The following DISC1 variants were observed in gnomAD, a reference collection of about 807,000 sequenced individuals.
The protein encoded by DISC1 is disrupted in schizophrenia 1 protein.
DISC1 carries 57 observed loss-of-function variants against 84.5 expected under a neutral mutation model. The observed-to-expected ratio is 0.67, with a 90% CI of 0.55 to 0.84. The LOEUF is 0.84. Ranked by LOEUF, DISC1 falls within the 40% of genes least tolerant of loss-of-function variation. The pLI, the probability that DISC1 is intolerant of heterozygous loss-of-function variation, is 0.00. For synonymous variants in DISC1, 411 were observed against 415.2 expected (o/e 0.99, Z 0.12); for missense variants, 1,000 against 1,057.8 (o/e 0.95, Z 0.76).
intron 9 of DISC1, among the ~76,000 whole-genome samples, chr1:231,920,322 G>A (rs2089917660): frequency 6.6e-6 from 1 of 152,144 alleles, no homozygotes; most frequent in Non-Finnish European, 1.5e-5. Context: ...GTGTCATTAA[G>A]GACATTCACA....
At chr1:231,887,152 GCCTGGC>G (rs2086832454) in intron 9 of DISC1, among the ~76,000 whole-genome samples, 1 of 151,990 alleles carries the variant, frequency 6.6e-6, no homozygotes, top group African/African-American at 2.4e-5. Flanking sequence ...GAGCCACCGT[GCCTGGC>G]CCAGACCTGA....
intron 9 of DISC1, among the ~76,000 whole-genome samples, chr1:231,902,981 T>TA (rs757037489): frequency 4.6e-5 from 7 of 152,260 alleles, no homozygotes; most frequent in Non-Finnish European, 8.8e-5. Context: ...CCTCCCTGTG[T>TA]ATCACTGTGT....
At chr1:231,815,331 C>A (rs1348299963) in intron 8 of DISC1, 6 of 152,184 alleles carry the variant, frequency 3.9e-5, no homozygotes, top group Non-Finnish European at 7.3e-5. Flanking sequence ...CCTATCTTGT[C>A]CCAGTCATCA....
Position 231,954,187 on chromosome 1 carries a change from T to A in DISC1, c.1982-4641T>A, listed in dbSNP as rs1238516951. Among the ~76,000 whole-genome samples the A allele has an allele frequency of 1.3e-5, 2 of 152,206 alleles. No homozygotes were observed. The highest frequency in any genetic ancestry group is 2.9e-5 in the Non-Finnish European group (2 of 68,044). On this transcript the variant is annotated intron_variant, in intron 9 of 12. Transcript: ENST00000439617. The surrounding 1 kb of genome is among the most constrained non-coding windows in gnomAD (Gnocchi z 4.8). ...TATGATGAATATTTATGGAAAATGT[T>A]GCTGTGCACTCCAGTGAGAAATCAG...
intron 6 of DISC1, among the ~76,000 whole-genome samples, chr1:231,772,143 G>A (rs2076599642): frequency 1.3e-5 from 2 of 151,426 alleles, no homozygotes; most frequent in Admixed American, 6.6e-5. Flanking sequence ...TTTTGTAGAG[G>A]TGAAGTATTT....
Position 231,859,033 on chromosome 1 carries a change from C to G in DISC1, c.1981+40516C>G, listed in dbSNP as rs1399745496. On this transcript the variant is annotated intron_variant, in intron 9 of 12. Coordinates refer to ENST00000439617, the MANE Select transcript of DISC1 (RefSeq NM_018662.3). Reference sequence around the variant, plus strand: ...CTGGCTCTGGGGAATGGTGTCTGAGCTCACGGTCTCATCTGTGGGAGCTGC... The same window carrying G: ...CTGGCTCTGGGGAATGGTGTCTGAGGTCACGGTCTCATCTGTGGGAGCTGC... 6.6e-5 allele frequency among the ~76,000 whole-genome samples: 10 copies of G among 152,322 alleles called. No individual in the cohort carries two copies. In the Middle Eastern group the frequency reaches 0.014, roughly 207 times the overall value.
chr1:231,837,588 A>AT (rs34515060), intron 9 of DISC1, among the ~76,000 whole-genome samples: 2 of 151,906 alleles, frequency 1.3e-5, no homozygotes, highest in African/African-American at 4.8e-5. Context: ...TGATCTATAT[A>AT]TTTTTTTTCT....
At chr1:231,803,625 G>A (rs574109596) in intron 8 of DISC1, among the ~76,000 whole-genome samples, 13 of 152,132 alleles carry the variant, frequency 8.5e-5, no homozygotes, top group Non-Finnish European at 1.8e-4. Context: ...CTCAGAGCCA[G>A]TGATCTGAGG....
chr1:231,762,962 C>A (rs564794873), intron 4 of DISC1, among the ~76,000 whole-genome samples: 2 of 152,148 alleles, frequency 1.3e-5, no homozygotes, highest in African/African-American at 4.8e-5. Flanking sequence ...TGCGGTGACA[C>A]GGTGTGAAAA....
chr1:231,877,205 C>T (rs1024546833), intron 9 of DISC1, among the ~76,000 whole-genome samples: 1 of 152,184 alleles, frequency 6.6e-6, no homozygotes, highest in Non-Finnish European at 1.5e-5. Context: ...TCACATGAGC[C>T]CACCTTCTTA....
chr1:231,991,472 C>G (rs200697364), intron 10 of DISC1, among the ~76,000 whole-genome samples: 10 of 152,132 alleles, frequency 6.6e-5, no homozygotes, highest in Non-Finnish European at 1.5e-4. Flanking sequence ...TTCCATTTAT[C>G]CTATAGTTCT....
At chr1:231,648,637 A>G (rs144500291) in intron 1 of DISC1, among the ~76,000 whole-genome samples, 7,157 of 152,280 alleles carry the variant, frequency 0.047, 188 homozygotes, top group Middle Eastern at 0.085. Context: ...GAATGGTACC[A>G]GCTCCTCTTT....
chr1:231,730,654 C>G (rs568044327), intron 3 of DISC1, among the ~76,000 whole-genome samples: 1 of 152,136 alleles, frequency 6.6e-6, no homozygotes, highest in East Asian at 1.9e-4. Flanking sequence ...TGATAGCTTG[C>G]CAGAAATTTC....
At chr1:231,838,540 A>G (rs1161997189) in intron 9 of DISC1, among the ~76,000 whole-genome samples, 1 of 152,230 alleles carries the variant, frequency 6.6e-6, no homozygotes, top group Non-Finnish European at 1.5e-5. Context: ...AAGAATATAG[A>G]AAAGGACTCC....
At chr1:231,934,552 G>A (rs1266416830) in intron 9 of DISC1, among the ~76,000 whole-genome samples, 1 of 152,172 alleles carries the variant, frequency 6.6e-6, no homozygotes, top group African/African-American at 2.4e-5. Context: ...TGCAACTTAT[G>A]GAAGTGAAAT....
chr1:231,968,643 A>G (rs985428750), intron 10 of DISC1, among the ~76,000 whole-genome samples: 1 of 151,502 alleles, frequency 6.6e-6, no homozygotes, highest in Non-Finnish European at 1.5e-5. Flanking sequence ...TCTCACACAC[A>G]CACAAAAACC....
At chr1:231,866,336 G>T (rs1458512403) in intron 9 of DISC1, among the ~76,000 whole-genome samples, 1 of 152,048 alleles carries the variant, frequency 6.6e-6, no homozygotes, top group African/African-American at 2.4e-5. Flanking sequence ...TTGGACCAGA[G>T]ATTTCTCATC....
At chr1:231,770,762 G>A (rs2076498336) in intron 5 of DISC1, 73 bp from the exon 6 acceptor site, 4 of 1,563,416 alleles carry the variant, frequency 2.6e-6, no homozygotes, top group East Asian at 2.3e-5. Flanking sequence ...TCATTTAAAC[G>A]AGTCATTATC....
chr1:231,812,691 C>T (rs1435397409), intron 8 of DISC1, among the ~76,000 whole-genome samples: 1 of 152,170 alleles, frequency 6.6e-6, no homozygotes, highest in Non-Finnish European at 1.5e-5. Context: ...CACACATCCT[C>T]CTTGGCATTT....
Sources: gnomAD v4.1 joint callset for allele counts (sites outside exome capture counted in the v4.1 genomes callset) on GRCh38, gnomAD v4.1.1 for gene constraint, Gnocchi (gnomAD v3.1) non-coding constraint, MANE v1.5 for transcripts, NCBI Gene and HGNC (gene_info 2026-07-23, HGNC 2026-07-21) for gene names.